GPR143: variants seen among roughly 807,000 people sequenced by gnomAD.
The protein encoded by GPR143 is G protein-coupled receptor 143.
In GPR143, 8 loss-of-function variants were observed where a neutral mutation model predicts 27.6. The ratio of observed to expected loss-of-function variants is 0.29; its 90% CI spans 0.17 to 0.52. GPR143 has a LOEUF of 0.52. Ranked by LOEUF, GPR143 falls within the 20% of genes least tolerant of loss-of-function variation. The pLI is 0.96. For synonymous variants in GPR143, 156 were observed against 153.2 expected (o/e 1.02, Z -0.13); for missense variants, 303 against 343.1 (o/e 0.88, Z 0.92).
At position 9,765,648 on chromosome X, in the gene GPR143, GGGCCCGCGGGCCGGCGGCCGGGCA is replaced by G; in HGVS notation, c.146_169del (p.Leu49_Gly56del). ...CGGCGGGGACGTCGCGGGGGACCCG[GGGCCCGCGGGCCGGCGGCCGGGCA>G]GCAGCTGCAGAAGGCCCAGCGCCAA... On this transcript the variant is annotated inframe_deletion, in exon 1 of 9. Transcript: ENST00000467482. 2 of 981,845 alleles carry G rather than the reference GGGCCCGCGGGCCGGCGGCCGGGCA, an allele frequency of 2.0e-6. No individual in the cohort carries two copies. Among genetic ancestry groups the G allele is most frequent in the Non-Finnish European group, 2.5e-6 (2 of 784,447 alleles). 80.9% of individuals were successfully genotyped at this position (981,845 alleles called of 1,213,427 possible).
At chrX:9,737,666 C>T (rs1471210319) in intron 8 of GPR143, among the ~76,000 whole-genome samples, 1 of 111,454 alleles carries the variant, frequency 9.0e-6, no homozygotes, top group Non-Finnish European at 1.9e-5. Flanking sequence ...TGAAATGTGC[C>T]ATTTAAAGGG....
intron 8 of GPR143, among the ~76,000 whole-genome samples, chrX:9,726,332 G>A (rs1386580857): frequency 9.0e-6 from 1 of 111,377 alleles, no homozygotes; most frequent in African/African-American, 3.3e-5. Context: ...CCACCGCTCT[G>A]TAAAACTATG....
chrX:9,755,996 A>C (rs1007210300), intron 3 of GPR143, among the ~76,000 whole-genome samples: 1 of 111,686 alleles, frequency 9.0e-6, no homozygotes, highest in African/African-American at 3.2e-5. Context: ...GATGGAAGGA[A>C]CAAGCATAAA....
intron 1 of GPR143, among the ~76,000 whole-genome samples, chrX:9,761,330 G>C (rs1373949260): frequency 8.9e-6 from 1 of 112,537 alleles, no homozygotes; most frequent in East Asian, 2.8e-4. Flanking sequence ...CTGACCTCAA[G>C]TGATCTGTCC....
intron 1 of GPR143, among the ~76,000 whole-genome samples, chrX:9,777,984 G>A (rs1046682232): frequency 5.4e-5 from 6 of 110,279 alleles, no homozygotes; most frequent in Non-Finnish European, 1.1e-4. Flanking sequence ...CCAGCTACTC[G>A]GGAGGCTGAG....
intron 8 of GPR143, among the ~76,000 whole-genome samples, chrX:9,733,179 G>A (rs1020638288): frequency 1.8e-5 from 2 of 111,120 alleles, no homozygotes; most frequent in Non-Finnish European, 3.8e-5. Context: ...TGTGGCAGAC[G>A]AAAGGAATTG....
intron 1 of GPR143, among the ~76,000 whole-genome samples, chrX:9,763,064 C>T (rs1261764578): frequency 9.1e-6 from 1 of 109,461 alleles, no homozygotes; most frequent in Admixed American, 9.8e-5. Context: ...TAGCTGGGAC[C>T]ACATGTGCAT....
At position 9,733,073 on chromosome X, in the gene GPR143, C is replaced by T. The variant is rs375920167; in HGVS notation, c.1120+6412G>A. On this transcript the variant is annotated intron_variant, in intron 8 of 8. Transcript: ENST00000467482. ...ATTATGGAAAATTCTGAAGCTTTAT[C>T]GTGGGAGAAAAAAGGAATCGTGGGA... Among the ~76,000 whole-genome samples the T allele has an allele frequency of 1.5e-4, 16 of 109,282 alleles. No homozygotes were observed. In the East Asian group the frequency reaches 2.0e-3, roughly 14 times the overall value. The allele number at this position is 109,282 out of a possible 115,157, so 94.9% of individuals were successfully genotyped here. A position where few individuals can be genotyped will look rare whatever the true frequency, so the allele number is the denominator to read the frequency against.
intron 1 of GPR143, among the ~76,000 whole-genome samples, chrX:9,773,641 G>A (rs2083562275): frequency 9.0e-6 from 1 of 111,336 alleles, no homozygotes; most frequent in Non-Finnish European, 1.9e-5. Flanking sequence ...GGGAGGCCGA[G>A]GCGGGTGGGT....
chrX:9,745,910 C>T, intron 5 of GPR143, 134 bp downstream of exon 5: 2 of 535,881 alleles, frequency 3.7e-6, no homozygotes, highest in East Asian at 7.0e-5. Context: ...CTGTGTTCTG[C>T]TGATGTCTCT....
At chrX:9,732,442 G>T (rs2083358607) in intron 8 of GPR143, among the ~76,000 whole-genome samples, 1 of 111,619 alleles carries the variant, frequency 9.0e-6, no homozygotes. Flanking sequence ...TGGCGGGAGA[G>T]AATACTGTAT....
In GPR143 at chrX:9,739,474, C is replaced by T. The variant is rs947549747; in HGVS notation, c.1120+11G>A. 8.7e-7 allele frequency: 1 copy of T among 1,150,298 alleles called. No homozygotes were observed. The highest frequency in any genetic ancestry group is 1.2e-6 in the Non-Finnish European group (1 of 841,276). The allele number at this position is 1,150,298 out of a possible 1,213,427, so 94.8% of individuals were successfully genotyped here. On this transcript the variant is annotated intron_variant, in intron 8 of 8. Transcript: ENST00000467482. ...CCCGAAGTCTACCTGCTGTGGCAGA[C>T]AGGGCATTACCTTCAGACAGCATGC... is the stretch of plus-strand genomic sequence containing the variant.
chrX:9,764,844 T>C (rs2083521205), intron 1 of GPR143, among the ~76,000 whole-genome samples: 1 of 109,808 alleles, frequency 9.1e-6, no homozygotes, highest in South Asian at 3.9e-4. Context: ...CTGGCCAACA[T>C]GGTGAAACTC....
chrX:9,729,094 G>A (rs757841850), intron 8 of GPR143, among the ~76,000 whole-genome samples: 2 of 111,074 alleles, frequency 1.8e-5, no homozygotes, highest in East Asian at 5.7e-4. Context: ...AGCCGACAAG[G>A]ATGGTGGAGA....
chrX:9,751,495 C>T (rs894939826), intron 3 of GPR143, among the ~76,000 whole-genome samples: 1 of 112,330 alleles, frequency 8.9e-6, no homozygotes, highest in East Asian at 2.8e-4. Context: ...TCAGCACGTG[C>T]GAAGGTAATA....
chrX:9,760,065 A>G (rs919378310), intron 2 of GPR143, among the ~76,000 whole-genome samples: 6 of 111,715 alleles, frequency 5.4e-5, no homozygotes, highest in African/African-American at 2.0e-4. Context: ...TACTTTTTCA[A>G]TAATTTGTTT....
At chrX:9,770,780 T>C (rs753850220), upstream of GPR143, among the ~76,000 whole-genome samples, 1 of 111,861 alleles carries the variant, frequency 8.9e-6, no homozygotes, top group South Asian at 3.8e-4. Context: ...AGACACACAA[T>C]GTGCCTTAAA....
At chrX:9,755,172 CTT>C (rs926899750) in intron 3 of GPR143, among the ~76,000 whole-genome samples, 11 of 112,030 alleles carry the variant, frequency 9.8e-5, no homozygotes, top group African/African-American at 2.6e-4. Context: ...AATCCCAACA[CTT>C]TGGGATGCCG....
chrX:9,760,782 C>G lies in GPR143; in HGVS notation c.295G>C (p.Val99Leu). The G allele has an allele frequency of 3.3e-6, 4 of 1,194,047 alleles. No individual in the cohort carries two copies. Among genetic ancestry groups the G allele is most frequent in the Non-Finnish European group, 4.5e-6 (4 of 882,371 alleles). The change falls in exon 2 of 9, where the codon GTT becomes CTT. Residue 99 changes from valine (V) to leucine (L), a missense_variant. Transcript: ENST00000467482. ...TGGTTCATATCCGAGACGCTGTCAACAAAATTTGGGAATCCTAACCACACG... is the reference window on the plus strand; with the variant it reads ...TGGTTCATATCCGAGACGCTGTCAAGAAAATTTGGGAATCCTAACCACACG... ...STVWLGFPNF[V>L]DSVSDMNHTE... is the part of the protein sequence containing the mutation.
Sources: gnomAD v4.1 joint callset for allele counts (sites outside exome capture counted in the v4.1 genomes callset) on GRCh38, gnomAD v4.1.1 for gene constraint, MANE v1.5 for transcripts, NCBI Gene and HGNC (gene_info 2026-07-23, HGNC 2026-07-21) for gene names.